PHACTR2: variants seen among roughly 807,000 people sequenced by gnomAD.
PHACTR2 encodes phosphatase and actin regulator 2.
In PHACTR2, 30 loss-of-function variants were observed where a neutral mutation model predicts 76.0. The ratio of observed to expected loss-of-function variants is 0.39; its 90% confidence interval spans 0.30 to 0.54. The LOEUF is 0.54. Among genes scored for constraint, PHACTR2 ranks in the 20% least tolerant of loss-of-function variants. The pLI is 0.61. For missense variants in PHACTR2, 696 were observed against 781.1 expected, an observed-to-expected ratio of 0.89 and a Z score of 1.30; for synonymous variants, 292 against 292.5, an observed-to-expected ratio of 1.00 and a Z score of 0.02.
Position 143,654,510 on chromosome 6 carries a change from TA to T in PHACTR2, c.13+46196del, listed in dbSNP as rs1276655174. ...ACTCAATAGAATATTATTTGCCAATTAAAAAAAATAAAGGCTGGATACTGTG... is the reference window on the plus strand; with the variant it reads ...ACTCAATAGAATATTATTTGCCAATTAAAAAAATAAAGGCTGGATACTGTG... On this transcript the variant is annotated intron_variant, in intron 1 of 11. Transcript: ENST00000305766. The surrounding 1 kb of genome is among the most constrained non-coding windows in gnomAD (Gnocchi z 4.6). 1.3e-5 allele frequency among the ~76,000 whole-genome samples: 2 copies of T among 151,988 alleles called. No individual in the cohort carries two copies. Among genetic ancestry groups the T allele is most frequent in the East Asian group, 1.9e-4 (1 of 5,166 alleles).
rs1406709171 is a variant in PHACTR2, at chr6:143,816,808, G to A, written c.1923-6866G>A. Among the ~76,000 whole-genome samples the A allele has an allele frequency of 6.6e-6, 1 of 152,206 alleles. No homozygotes were observed. Among genetic ancestry groups the A allele is most frequent in the Non-Finnish European group, 1.5e-5 (1 of 68,048 alleles). On this transcript the variant is annotated intron_variant, in intron 12 of 12. Transcript: ENST00000440869. The surrounding 1 kb of genome is among the most constrained non-coding windows in gnomAD (Gnocchi z 4.5). ...TGGCTGGGTGCGGTGGCTCATGCCT[G>A]TAATCCCAGCACTTTGGGAGGCTGA...
At chr6:143,677,941 A>T, upstream of PHACTR2, 1 of 1,154,650 alleles carries the variant, frequency 8.7e-7, no homozygotes, top group Non-Finnish European at 1.1e-6. Flanking sequence ...GACCCCAGCT[A>T]ATCTGCATAG....
chr6:143,541,377 G>C lies in PHACTR2; in HGVS notation c.217+4170G>C, dbSNP rs745757219. Among the ~76,000 whole-genome samples, 1 of 152,200 alleles carries C rather than the reference G, an allele frequency of 6.6e-6. No individual in the cohort carries two copies. Among genetic ancestry groups the C allele is most frequent in the Non-Finnish European group, 1.5e-5 (1 of 68,034 alleles). ...CCGACTGTTGGCCTACTGGGTGCCA[G>C]GTGCTGTTCTGGACCTGTGTGGGCT... On this transcript the variant is annotated intron_variant, in intron 1 of 11. Coordinates refer to the PHACTR2 transcript ENST00000367584. The surrounding 1 kb of genome is among the most constrained non-coding windows in gnomAD (Gnocchi z 5.3).
intron 1 of PHACTR2, among the ~76,000 whole-genome samples, chr6:143,644,467 CAAA>C (rs373621895): frequency 2.7e-5 from 3 of 111,536 alleles, no homozygotes; most frequent in South Asian, 6.4e-4. Flanking sequence ...GACTCCATCT[CAAA>C]AAAAAAAAAA....
upstream of PHACTR2, among the ~76,000 whole-genome samples, chr6:143,673,013 C>T (rs1777183566): frequency 1.3e-5 from 2 of 152,170 alleles, no homozygotes; most frequent in Admixed American, 1.3e-4. Flanking sequence ...GCATGAGTCA[C>T]CACTCCCAGC....
rs1170301379 is a variant in PHACTR2 at position 143,821,766 on chromosome 6, A to G, written c.1923-1908A>G. On this transcript the variant is annotated intron_variant, in intron 12 of 12. Transcript: ENST00000440869. This position sits in a 1 kb window ranked among gnomAD's most constrained non-coding sequence, Gnocchi z 5.2. ...CGCAGCACGCTGGGAGGCCGAGGAC[A>G]GATTGCTTGAGTGCAGGAGTTTGAG... 6.6e-6 allele frequency among the ~76,000 whole-genome samples: 1 copy of G among 152,216 alleles called. No individual in the cohort carries two copies. The highest frequency in any genetic ancestry group is 1.5e-5 in the Non-Finnish European group (1 of 68,032).
At chr6:143,729,146 A>G (rs1778644338) in intron 2 of PHACTR2, among the ~76,000 whole-genome samples, 1 of 152,090 alleles carries the variant, frequency 6.6e-6, no homozygotes, top group African/African-American at 2.4e-5. Flanking sequence ...ATCCTCTTTG[A>G]TGAAGTTTCT....
chr6:143,673,819 G>A (rs553394314), upstream of PHACTR2, among the ~76,000 whole-genome samples: 1 of 151,990 alleles, frequency 6.6e-6, no homozygotes, highest in African/African-American at 2.4e-5. Flanking sequence ...CCTCTGCAGA[G>A]ACTCACGCAG....
At chr6:143,732,073 A>G (rs1778710646) in intron 2 of PHACTR2, among the ~76,000 whole-genome samples, 1 of 152,178 alleles carries the variant, frequency 6.6e-6, no homozygotes. Flanking sequence ...AGTGAGATCT[A>G]TCTGGATTGT....
At chr6:143,640,529 GAAGCAGACCTCACAGAACCAGTC>G (rs1776546633) in intron 1 of PHACTR2, among the ~76,000 whole-genome samples, 1 of 152,212 alleles carries the variant, frequency 6.6e-6, no homozygotes, top group Non-Finnish European at 1.5e-5. Flanking sequence ...GCTGGAAGGT[GAAGCAGACCTCACAGAACCAGTC>G]AATGCCTACA....
rs183841153 is a variant in PHACTR2 at position 143,798,330 on chromosome 6, C to T, written c.1846-8727C>T. On this transcript the variant is annotated intron_variant, in intron 11 of 12. Coordinates refer to ENST00000440869, the MANE Select transcript of PHACTR2 (RefSeq NM_001100164.2). The stretch of plus-strand genomic sequence containing the variant: ...CGATGGGGTTTTCCAAATATACAGT[C>T]ATGTCGTCTGCAAACAAAGATAATT... 1.6e-4 allele frequency among the ~76,000 whole-genome samples: 25 copies of T among 152,334 alleles called. 2 individuals carry two copies. Among genetic ancestry groups the T allele is most frequent in the Admixed American group, 1.6e-3 (25 of 15,300 alleles).
chr6:143,641,167 G>T lies in PHACTR2; in HGVS notation c.13+32845G>T, dbSNP rs893211494. Among the ~76,000 whole-genome samples, 1 of 152,100 alleles carries T rather than the reference G, an allele frequency of 6.6e-6. No individual in the cohort carries two copies. Among genetic ancestry groups the T allele is most frequent in the Non-Finnish European group, 1.5e-5 (1 of 68,016 alleles). On this transcript the variant is annotated intron_variant, in intron 1 of 11. Coordinates refer to the PHACTR2 transcript ENST00000305766. This position sits in a 1 kb window ranked among gnomAD's most constrained non-coding sequence, Gnocchi z 5.8. ...GGGGGTTCAAACTTGCCATTTTATC[G>T]CAACATTAATCCCACCCTTTGCAGT...
chr6:143,813,593 G>C (rs1776229883), intron 12 of PHACTR2, among the ~76,000 whole-genome samples: 1 of 144,046 alleles, frequency 6.9e-6, no homozygotes, highest in Admixed American at 7.1e-5. Flanking sequence ...ACTCCAGCCT[G>C]GGCAACAGAG....
intron 2 of PHACTR2, among the ~76,000 whole-genome samples, chr6:143,735,008 A>G (rs1027362119): frequency 6.6e-6 from 1 of 152,186 alleles, no homozygotes; most frequent in East Asian, 1.9e-4. Context: ...ACTGAGGGCT[A>G]AGTCCTGGAA....
chr6:143,812,301 T>C (rs1776193788), intron 12 of PHACTR2, among the ~76,000 whole-genome samples: 1 of 152,204 alleles, frequency 6.6e-6, no homozygotes, highest in South Asian at 2.1e-4. Context: ...TGAAACATTA[T>C]GAATGTATTA....
intron 1 of PHACTR2, among the ~76,000 whole-genome samples, chr6:143,707,376 A>G (rs1778078878): frequency 6.6e-6 from 1 of 152,230 alleles, no homozygotes; most frequent in Admixed American, 6.5e-5. Flanking sequence ...GGATATTTGG[A>G]GAAAAGTTGA....
Position 143,795,339 on chromosome 6 carries a change from G to A in PHACTR2, c.1845+6429G>A, listed in dbSNP as rs977054781. ...TGAGGCAGGAGGATCCCTTGAGTCT[G>A]GGAGTTCAAGACTGCAATGAGCTGT... is the stretch of plus-strand genomic sequence containing the variant. On this transcript the variant is annotated intron_variant, in intron 11 of 12. Coordinates refer to ENST00000440869, the MANE Select transcript of PHACTR2 (RefSeq NM_001100164.2). This position sits in a 1 kb window ranked among gnomAD's most constrained non-coding sequence, Gnocchi z 4.8. Among the ~76,000 whole-genome samples, 1 of 152,144 alleles carries A rather than the reference G, an allele frequency of 6.6e-6. No homozygotes were observed.
intron 1 of PHACTR2, among the ~76,000 whole-genome samples, chr6:143,681,564 T>A (rs1041882692): frequency 6.6e-6 from 1 of 152,116 alleles, no homozygotes; most frequent in East Asian, 1.9e-4. Flanking sequence ...GTAGAGTGAT[T>A]TGCAGCTCAG....
In PHACTR2 at chr6:143,663,529, A is replaced by G. The variant is rs1377810487; in HGVS notation, c.14-48487A>G. 2.0e-5 allele frequency among the ~76,000 whole-genome samples: 3 copies of G among 151,922 alleles called. No homozygotes were observed. Among genetic ancestry groups the G allele is most frequent in the Non-Finnish European group, 4.4e-5 (3 of 67,978 alleles). On this transcript the variant is annotated intron_variant, in intron 1 of 11. Transcript: ENST00000305766. This position sits in a 1 kb window ranked among gnomAD's most constrained non-coding sequence, Gnocchi z 4.1. Reference sequence around the variant, plus strand: ...CATTTGTGTGATTATCTTTCCCTGAATAGATCTTTTCTTTGTTTTTTTAAA... The same window carrying G: ...CATTTGTGTGATTATCTTTCCCTGAGTAGATCTTTTCTTTGTTTTTTTAAA...
Sources: allele counts gnomAD v4.1 joint callset (sites outside exome capture counted in the v4.1 genomes callset), GRCh38; gene constraint gnomAD v4.1.1; non-coding constraint Gnocchi (gnomAD v3.1); transcripts MANE v1.5; gene names NCBI Gene and HGNC (gene_info 2026-07-23, HGNC 2026-07-21).